Variants in RPRD2 observed in about 807,000 individuals in gnomAD.
RPRD2 encodes regulation of nuclear pre-mRNA domain-containing protein 2.
A neutral mutation model predicts 104.4 loss-of-function variants in RPRD2; 12 were observed. The ratio of observed to expected loss-of-function variants is 0.11; its 90% CI spans 0.07 to 0.19. The LOEUF is 0.19. RPRD2 is among the 10% of genes least tolerant of loss of function. The pLI is 1.00. For missense variants in RPRD2, 1,543 were observed against 1,790.1 expected (o/e 0.86, Z 2.49); for synonymous variants, 714 against 684.9 (o/e 1.04, Z -0.66).
Position 150,464,642 on chromosome 1 carries a change from T to C in RPRD2, c.1527T>C (p.Asn509=). 6.2e-7 allele frequency: 1 copy of C among 1,612,752 alleles called. No individual in the cohort carries two copies. The highest frequency in any genetic ancestry group is 8.5e-7 in the Non-Finnish European group (1 of 1,179,432). ...CAACATCTCACAACCCTCTGGCAAA[T>C]ATCCTCTCCAAGGTGGAGATCACCC... The part of the protein sequence containing the change: ...ATTTSHNPLA[N]ILSKVEITPE... Residue 509 remains asparagine, a synonymous_variant, in exon 10 of 11, where the codon AAT becomes AAC. Transcript: ENST00000369068.
intron 7 of RPRD2, among the ~76,000 whole-genome samples, chr1:150,455,162 C>T (rs1553897311): frequency 6.6e-6 from 1 of 152,118 alleles, no homozygotes. Context: ...TGACAGTCTA[C>T]AAAATACCTG....
chr1:150,440,865 T>C lies in RPRD2; in HGVS notation c.336-58T>C, dbSNP rs2102355096. On this transcript the variant is annotated intron_variant, in intron 2 of 10. Coordinates refer to ENST00000369068, the MANE Select transcript of RPRD2 (RefSeq NM_015203.5). Reference sequence around the variant, plus strand: ...ATTGATAACTTTATTTTCAGATTTCTAGTTTGGAGTAGAAGTCAAGGTTTT... The same window carrying C: ...ATTGATAACTTTATTTTCAGATTTCCAGTTTGGAGTAGAAGTCAAGGTTTT... 4 of 785,138 alleles carry C rather than the reference T, an allele frequency of 5.1e-6. No homozygotes were observed. The South Asian group carries it at 6.9e-5, about 14-fold the overall frequency. The allele number at this position is 785,138 out of a possible 1,614,324, so 48.6% of individuals were successfully genotyped here.
intron 1 of RPRD2, among the ~76,000 whole-genome samples, chr1:150,401,792 C>T (rs1428386325): frequency 2.7e-5 from 4 of 150,808 alleles, no homozygotes; most frequent in East Asian, 4.0e-4. Flanking sequence ...TACAGGCACC[C>T]GCCACCACGC....
rs34596290 is a variant in RPRD2 at position 150,428,454 on chromosome 1, CAAAAAAAAAAA to C, written c.335+10744_335+10754del. Among the ~76,000 whole-genome samples the C allele has an allele frequency of 3.5e-4, 25 of 71,260 alleles. No homozygotes were observed. In the East Asian group the frequency reaches 4.7e-3, roughly 14 times the overall value. 46.7% of individuals were successfully genotyped at this position (71,260 alleles called of 152,430 possible). ...TGGGTGATAGAGTGAGACTCTGTCTCAAAAAAAAAAAAAAAAAAAAAAAAATCTATCCTCAT... is the reference window on the plus strand; with the variant it reads ...TGGGTGATAGAGTGAGACTCTGTCTCAAAAAAAAAAAAAATCTATCCTCAT... On this transcript the variant is annotated intron_variant, in intron 2 of 10. Coordinates refer to ENST00000369068, the MANE Select transcript of RPRD2 (RefSeq NM_015203.5).
chr1:150,475,457 C>G lies in RPRD2; in HGVS notation c.*2123C>G, dbSNP rs964202662. On this transcript the variant is annotated 3_prime_UTR_variant, in exon 11 of 11. Transcript: ENST00000369068. ...AAATGTGGGGATGTCAGGAAAGTGGCTTCCTGAACGTTGGGGCGGGATAAT... is the reference window on the plus strand; with the variant it reads ...AAATGTGGGGATGTCAGGAAAGTGGGTTCCTGAACGTTGGGGCGGGATAAT... The G allele has an allele frequency of 2.0e-5, 3 of 152,512 alleles. No homozygotes were observed. Among genetic ancestry groups the G allele is most frequent in the African/African-American group, 7.2e-5 (3 of 41,402 alleles). The allele number at this position is 152,512 out of a possible 1,614,324, so 9.4% of individuals were successfully genotyped here. A position where few individuals can be genotyped will look rare whatever the true frequency, so the allele number is the denominator to read the frequency against.
chr1:150,447,311 T>C (rs1166001049), intron 7 of RPRD2, among the ~76,000 whole-genome samples: 2 of 151,332 alleles, frequency 1.3e-5, no homozygotes, highest in East Asian at 3.9e-4. Context: ...CCAAATTTCA[T>C]GTAAATTGAC....
chr1:150,402,581 TG>T (rs1343939861), intron 1 of RPRD2, among the ~76,000 whole-genome samples: 3 of 152,098 alleles, frequency 2.0e-5, no homozygotes, highest in African/African-American at 7.2e-5. Context: ...GTGACTGAGA[TG>T]GAAGGATCAC....
At chr1:150,443,757 G>A (rs1666558171) in intron 5 of RPRD2, among the ~76,000 whole-genome samples, 1 of 151,994 alleles carries the variant, frequency 6.6e-6, no homozygotes, top group Non-Finnish European at 1.5e-5. Context: ...TGTAATCCCA[G>A]CACTTTGGGA....
intron 7 of RPRD2, among the ~76,000 whole-genome samples, chr1:150,452,524 T>A (rs2102391713): frequency 6.6e-6 from 1 of 152,338 alleles, no homozygotes; most frequent in Middle Eastern, 3.4e-3. Flanking sequence ...TTCGATGTAT[T>A]CATTTATTTA....
At chr1:150,442,728 C>A (rs1428921710) in intron 4 of RPRD2, among the ~76,000 whole-genome samples, 1 of 152,162 alleles carries the variant, frequency 6.6e-6, no homozygotes, top group African/African-American at 2.4e-5. Flanking sequence ...AGCCAAAGTT[C>A]CACCACAGTA....
At chr1:150,403,763 C>T (rs929480196) in intron 1 of RPRD2, among the ~76,000 whole-genome samples, 12 of 152,092 alleles carry the variant, frequency 7.9e-5, no homozygotes, top group African/African-American at 2.7e-4. Flanking sequence ...ATTCTCATGC[C>T]TCAGCCTTCC....
At chr1:150,469,873 C>G in intron 10 of RPRD2, among the ~76,000 whole-genome samples, 1 of 152,012 alleles carries the variant, frequency 6.6e-6, no homozygotes. Context: ...GACCAGTGTC[C>G]CTGGTGGTCT....
chr1:150,404,272 G>C (rs960438121), intron 1 of RPRD2, among the ~76,000 whole-genome samples: 1 of 151,828 alleles, frequency 6.6e-6, no homozygotes, highest in Admixed American at 6.6e-5. Context: ...TTTGAGATGG[G>C]GTCTCACTCT....
intron 2 of RPRD2, among the ~76,000 whole-genome samples, chr1:150,438,939 A>G (rs1666211024): frequency 6.6e-6 from 1 of 152,012 alleles, no homozygotes; most frequent in African/African-American, 2.4e-5. Flanking sequence ...GGTTCAAGCA[A>G]TTCTCCTGCC....
At chr1:150,461,345 A>C (rs1485264772) in intron 9 of RPRD2, among the ~76,000 whole-genome samples, 1 of 152,156 alleles carries the variant, frequency 6.6e-6, no homozygotes, top group Non-Finnish European at 1.5e-5. Context: ...TGTTTTGGAG[A>C]ATTAAATATG....
chr1:150,443,789 A>C (rs1327064202), intron 5 of RPRD2, among the ~76,000 whole-genome samples: 1 of 151,870 alleles, frequency 6.6e-6, no homozygotes, highest in Non-Finnish European at 1.5e-5. Flanking sequence ...GCGGATCACG[A>C]GGTCAGGAGA....
chr1:150,423,103 A>T (rs1664873618), intron 2 of RPRD2, among the ~76,000 whole-genome samples: 2 of 152,168 alleles, frequency 1.3e-5, no homozygotes, highest in South Asian at 4.1e-4. Context: ...AGTTAAACCA[A>T]CCTGGTATTT....
chr1:150,403,760 T>C (rs1304095506), intron 1 of RPRD2, among the ~76,000 whole-genome samples: 1 of 151,898 alleles, frequency 6.6e-6, no homozygotes. Flanking sequence ...GCAATTCTCA[T>C]GCCTCAGCCT....
chr1:150,458,738 C>G (rs960977781), intron 8 of RPRD2, among the ~76,000 whole-genome samples: 9 of 152,096 alleles, frequency 5.9e-5, no homozygotes, highest in African/African-American at 1.9e-4. Context: ...CTCCTGCGTT[C>G]AAACAATTCT....
Sources: gnomAD v4.1 joint callset for allele counts (sites outside exome capture counted in the v4.1 genomes callset) on GRCh38, gnomAD v4.1.1 for gene constraint, MANE v1.5 for transcripts, NCBI Gene and HGNC (gene_info 2026-07-23, HGNC 2026-07-21) for gene names.